The following TAT variants were observed in gnomAD, a reference collection of about 807,000 sequenced individuals.
TAT encodes tyrosine aminotransferase, also known as L-tyrosine:2-oxoglutarate aminotransferase.
TAT carries 35 observed loss-of-function variants against 53.6 expected under a neutral mutation model. The ratio of observed to expected loss-of-function variants is 0.65; its 90% CI spans 0.50 to 0.87. TAT has a LOEUF of 0.87. Among genes scored for constraint, TAT ranks in the 40% least tolerant of loss-of-function variants. The pLI is 0.00. For synonymous variants in TAT, 197 were observed against 206.5 expected, an observed-to-expected ratio of 0.95 and a Z score of 0.39; for missense variants, 525 against 571.8, an observed-to-expected ratio of 0.92 and a Z score of 0.83.
intron 4 of TAT, 84 bp from the exon 5 acceptor site, chr16:71,572,772 G>T: frequency 6.6e-7 from 1 of 1,513,004 alleles, no homozygotes; most frequent in Non-Finnish European, 9.1e-7. Flanking sequence ...TGAGTTGGGA[G>T]CAATTGTGAA....
At chr16:71,570,237 C>T in intron 9 of TAT, 32 bp downstream of exon 9, 2 of 1,614,128 alleles carry the variant, frequency 1.2e-6, no homozygotes, top group South Asian at 1.1e-5. Context: ...GACTCCCAAA[C>T]TCCCAAAGTG....
At position 71,570,755 on chromosome 16, in the gene TAT, G is replaced by A. The variant is rs181309650; in HGVS notation, c.836C>T (p.Ala279Val). 1.2e-6 allele frequency: 2 copies of A among 1,614,068 alleles called. No homozygotes were observed. The highest frequency in any genetic ancestry group is 8.5e-7 in the Non-Finnish European group (1 of 1,180,046). The change falls in exon 8 of 12, where the codon GCC (alanine) becomes GTC (valine). Residue 279 changes from alanine to valine, a missense_variant. Coordinates refer to ENST00000355962, the MANE Select transcript of TAT (RefSeq NM_000353.3). ...CCAGCCAGGAACCAGCCAGCGCTTG[G>A]CCAGCCCTCCACAGGACAGGATGGG... is the stretch of plus-strand genomic sequence containing the variant. Reference protein sequence around the residue: ...DVPILSCGGLAKRWLVPGWRL... With the variant: ...DVPILSCGGLVKRWLVPGWRL...
In TAT at chr16:71,568,798, C is replaced by G. The variant is rs1288589061; in HGVS notation, c.1137G>C (p.Glu379Asp). Residue 379 changes from glutamate to aspartate, a missense_variant, in exon 11 of 12, where the codon GAG becomes GAC. Glu to Asp is a conservative substitution (Grantham distance 45). Transcript: ENST00000355962. ...TCTCAAATTCTGGGAAATGTTCCAT[C>G]TCAATTCCAACCTATACCAACAGGA... ...SGAMYLMVGI[E>D]MEHFPEFEND... 6.2e-7 allele frequency: 1 copy of G among 1,613,670 alleles called. No individual in the cohort carries two copies. The highest frequency in any genetic ancestry group is 8.5e-7 in the Non-Finnish European group (1 of 1,179,910).
intron 3 of TAT, chr16:71,575,675 G>T (rs2044229837): frequency 1.8e-6 from 1 of 559,990 alleles, no homozygotes; most frequent in East Asian, 3.1e-5. Context: ...TGACAAATAA[G>T]TATGTTTGGG....
chr16:71,569,750 G>T, intron 10 of TAT, 104 bp downstream of exon 10: 3 of 1,094,704 alleles, frequency 2.7e-6, no homozygotes, highest in Non-Finnish European at 4.1e-6. Context: ...GAGGCCAGCT[G>T]GTTGTCTTTG....
chr16:71,576,125 T>C (rs752898845), intron 2 of TAT, 56 bp downstream of exon 2: 1 of 1,608,864 alleles, frequency 6.2e-7, no homozygotes, highest in Non-Finnish European at 8.5e-7. Flanking sequence ...AACCAGCCTG[T>C]GAACATGAGA....
intron 6 of TAT, 81 bp from the exon 7 acceptor site, chr16:71,571,739 C>T (rs1303114260): frequency 7.4e-7 from 1 of 1,348,826 alleles, no homozygotes; most frequent in East Asian, 2.3e-5. Context: ...TGTAATTTCC[C>T]TATCCCGTAA....
intron 3 of TAT, 143 bp from the exon 4 acceptor site, chr16:71,573,749 GCCT>G: frequency 1.4e-6 from 1 of 732,152 alleles, no homozygotes; most frequent in South Asian, 1.5e-5. Context: ...TCCCACCTTA[GCCT>G]CCTGAGTAGC....
chr16:71,574,571 A>C (rs551827627), intron 3 of TAT, among the ~76,000 whole-genome samples: 1 of 145,020 alleles, frequency 6.9e-6, no homozygotes, highest in Non-Finnish European at 1.5e-5. Context: ...CAAGAGCGAA[A>C]ACTTCGTCTC....
intron 7 of TAT, among the ~76,000 whole-genome samples, chr16:71,571,142 A>G (rs1307104068): frequency 6.6e-6 from 1 of 152,218 alleles, no homozygotes; most frequent in Non-Finnish European, 1.5e-5. Context: ...GATTTAAAAT[A>G]TAAGTCCACA....
Position 71,572,401 on chromosome 16 carries a change from A to T in TAT, c.568-77T>A, listed in dbSNP as rs529908565. ...AATCCTCACTTATCTCAAGGGTCCA[A>T]TGTAAGCAATAAAGTCTGTCTCTGG... On this transcript the variant is annotated intron_variant, in intron 5 of 11. Coordinates refer to ENST00000355962, the MANE Select transcript of TAT (RefSeq NM_000353.3). 405 of 1,607,060 alleles carry T rather than the reference A, an allele frequency of 2.5e-4. 1 individual carries two copies. Among genetic ancestry groups the T allele is most frequent in the Middle Eastern group, 2.2e-3 (13 of 5,970 alleles).
Position 71,570,790 on chromosome 16 carries a change from G to A in TAT, c.801C>T (p.Ser267=), listed in dbSNP as rs770913402. 2 of 1,614,068 alleles carry A rather than the reference G, an allele frequency of 1.2e-6. No individual in the cohort carries two copies. Among genetic ancestry groups the A allele is most frequent in the African/African-American group, 2.7e-5 (2 of 74,898 alleles). The change falls in exon 8 of 12, where the codon AGC becomes AGT. Residue 267 remains serine (S), a synonymous_variant. Transcript: ENST00000355962. The part of the protein sequence containing the change: ...DCKYEPLATL[S]TDVPILSCGG... ...CACAGGACAGGATGGGGACATCGGT[G>A]CTGAGGGTGGCCAGTGGTTCATATT...
chr16:71,576,142 G>A, intron 2 of TAT, 39 bp downstream of exon 2: 2 of 1,610,046 alleles, frequency 1.2e-6, no homozygotes, highest in Non-Finnish European at 1.7e-6. Context: ...GAGAGTAGAG[G>A]AGGACAATGA....
At chr16:71,571,456 G>C in intron 7 of TAT, 150 bp downstream of exon 7, 1 of 694,698 alleles carries the variant, frequency 1.4e-6, no homozygotes. Flanking sequence ...AACTGGCTAA[G>C]GAGTTGTGGG....
intron 2 of TAT, 42 bp downstream of exon 2, chr16:71,576,139 G>A (rs927995206): frequency 6.2e-7 from 1 of 1,609,278 alleles, no homozygotes; most frequent in Non-Finnish European, 8.5e-7. Flanking sequence ...CATGAGAGTA[G>A]AGGAGGACAA....
rs1280304401 is a variant in TAT, at chr16:71,567,856, C to G, written c.*288G>C. 7.1e-6 allele frequency: 3 copies of G among 422,778 alleles called. No homozygotes were observed. The highest frequency in any genetic ancestry group is 2.3e-5 in the South Asian group (1 of 44,342). 26.2% of individuals were successfully genotyped at this position (422,778 alleles called of 1,614,324 possible). On this transcript the variant is annotated 3_prime_UTR_variant, in exon 12 of 12. Transcript: ENST00000355962. ...ACTGCTTTCTGGTAAACTTTGTTCA[C>G]CTGGTACTTTCAAGAAAAAAAGAAG...
chr16:71,568,752 G>A lies in TAT; in HGVS notation c.1183C>T (p.Arg395Trp), dbSNP rs1209859426. ...EFENDVEFTE[R>W]LVAEQSVHCL... ...TGGACAGACTGCTCAGCAACTAACC[G>A]CTCCGTGAACTCCACATCGTTCTCA... The change falls in exon 11 of 12, where the codon CGG (arginine) becomes TGG (tryptophan). Residue 395 changes from arginine (R) to tryptophan (W), a missense_variant. By Grantham distance (101) the Arg-to-Trp change is moderately radical. Transcript: ENST00000355962. 4.3e-6 allele frequency: 7 copies of A among 1,613,796 alleles called. No individual in the cohort carries two copies. Among genetic ancestry groups the A allele is most frequent in the Middle Eastern group, 1.6e-4 (1 of 6,076 alleles).
At chr16:71,574,158 G>A (rs2044221955) in intron 3 of TAT, among the ~76,000 whole-genome samples, 1 of 152,238 alleles carries the variant, frequency 6.6e-6, no homozygotes, top group Admixed American at 6.5e-5. Flanking sequence ...AAGCACGAAT[G>A]TATAAATGAT....
intron 10 of TAT, 130 bp downstream of exon 10, chr16:71,569,723 TA>T: frequency 3.6e-6 from 3 of 833,384 alleles, no homozygotes; most frequent in Non-Finnish European, 4.0e-6. Context: ...AGACAACTCC[TA>T]AACTGCTTGG....
Sources: allele counts gnomAD v4.1 joint callset (sites outside exome capture counted in the v4.1 genomes callset), GRCh38; gene constraint gnomAD v4.1.1; transcripts MANE v1.5; gene names NCBI Gene and HGNC (gene_info 2026-07-23, HGNC 2026-07-21).